The following ZNF804B variants were observed in gnomAD, a reference collection of about 807,000 sequenced individuals.
ZNF804B encodes zinc finger 804B.
In ZNF804B, 80 loss-of-function variants were observed where a neutral mutation model predicts 101.4. The ratio of observed to expected loss-of-function variants is 0.79; its 90% CI spans 0.66 to 0.95. The LOEUF is 0.95. Ranked by LOEUF, ZNF804B falls within the 40% of genes least tolerant of loss-of-function variation. The probability of loss-of-function intolerance (pLI) is 0.00; values close to 1 mark genes in which losing one functional copy is unlikely to be tolerated. For missense variants in ZNF804B, 1,673 were observed against 1,561.9 expected (o/e 1.07, Z -1.20); for synonymous variants, 622 against 558.8 (o/e 1.11, Z -1.59).
chr7:89,245,906 G>C (rs1374274029), intron 2 of ZNF804B, among the ~76,000 whole-genome samples: 2 of 152,310 alleles, frequency 1.3e-5, no homozygotes, highest in Non-Finnish European at 2.9e-5. Flanking sequence ...AAGTAACCCA[G>C]GGAGAGGGAG....
chr7:88,874,253 A>G (rs939893091), intron 1 of ZNF804B, among the ~76,000 whole-genome samples: 67 of 152,100 alleles, frequency 4.4e-4, no homozygotes, highest in Non-Finnish European at 1.9e-4. Context: ...GAGTTCACTC[A>G]TGATTTGGCT....
intron 1 of ZNF804B, among the ~76,000 whole-genome samples, chr7:89,098,749 T>C (rs984938190): frequency 6.6e-6 from 1 of 152,126 alleles, no homozygotes; most frequent in African/African-American, 2.4e-5. Context: ...CTAAAACTTG[T>C]CATTCCTTAT....
intron 1 of ZNF804B, among the ~76,000 whole-genome samples, chr7:88,838,878 A>T (rs1441531949): frequency 6.6e-6 from 1 of 152,024 alleles, no homozygotes; most frequent in East Asian, 1.9e-4. Flanking sequence ...TGTTATAATA[A>T]CTAGATAGTA....
At chr7:88,773,701 T>G (rs1790102695) in intron 1 of ZNF804B, among the ~76,000 whole-genome samples, 1 of 152,058 alleles carries the variant, frequency 6.6e-6, no homozygotes, top group East Asian at 1.9e-4. Context: ...AGCATGGTGC[T>G]GGCATCTGCT....
intron 2 of ZNF804B, among the ~76,000 whole-genome samples, chr7:89,323,581 T>C (rs1380569560): frequency 4.6e-5 from 7 of 152,148 alleles, no homozygotes; most frequent in Non-Finnish European, 8.8e-5. Flanking sequence ...ATTATGTTGC[T>C]TAGTTTTCTT....
intron 1 of ZNF804B, among the ~76,000 whole-genome samples, chr7:88,891,117 T>A (rs994766920): frequency 6.6e-6 from 1 of 152,144 alleles, no homozygotes; most frequent in Non-Finnish European, 1.5e-5. Context: ...AGACCCTCAA[T>A]AAATATTTAA....
intron 1 of ZNF804B, among the ~76,000 whole-genome samples, chr7:88,938,913 A>G (rs1046870653): frequency 1.3e-5 from 2 of 152,108 alleles, no homozygotes; most frequent in African/African-American, 4.8e-5. Flanking sequence ...TTAAGGAACA[A>G]GTTTGTTTCT....
intron 1 of ZNF804B, among the ~76,000 whole-genome samples, chr7:88,840,516 T>C: frequency 6.6e-6 from 1 of 152,264 alleles, no homozygotes; most frequent in East Asian, 1.9e-4. Flanking sequence ...TTTTGAGTAA[T>C]CTCCTTAAAA....
At chr7:89,062,610 A>C (rs758794917) in intron 1 of ZNF804B, among the ~76,000 whole-genome samples, 2 of 152,138 alleles carry the variant, frequency 1.3e-5, no homozygotes, top group African/African-American at 4.8e-5. Context: ...CCTGCTATAC[A>C]GTAGGTGTTC....
intron 1 of ZNF804B, among the ~76,000 whole-genome samples, chr7:89,100,091 G>A (rs536080383): frequency 6.6e-6 from 1 of 152,098 alleles, no homozygotes; most frequent in African/African-American, 2.4e-5. Context: ...TTTTCCCTTG[G>A]GAAAAATGAC....
At position 89,077,780 on chromosome 7, in the gene ZNF804B, T is replaced by G. The variant is rs570733166; in HGVS notation, c.109-140375T>G. The stretch of plus-strand genomic sequence containing the variant: ...TCTTTCTTAAGCTAATCAGTGGGAT[T>G]CAAGTGAAATTAGGTGAATAAACAA... On this transcript the variant is annotated intron_variant, in intron 1 of 3. Coordinates refer to ENST00000333190, the MANE Select transcript of ZNF804B (RefSeq NM_181646.5). Among the ~76,000 whole-genome samples the G allele has an allele frequency of 1.0e-3, 156 of 152,258 alleles. 1 individual carries two copies. Among genetic ancestry groups the G allele is most frequent in the African/African-American group, 3.5e-3 (147 of 41,582 alleles).
intron 1 of ZNF804B, among the ~76,000 whole-genome samples, chr7:89,185,487 C>T (rs1387655780): frequency 1.3e-5 from 2 of 151,878 alleles, no homozygotes; most frequent in South Asian, 2.1e-4. Flanking sequence ...ATTTATAAAA[C>T]AGTTAGTCCA....
intron 1 of ZNF804B, among the ~76,000 whole-genome samples, chr7:89,034,272 T>G (rs1214816808): frequency 6.6e-6 from 1 of 152,138 alleles, no homozygotes; most frequent in Non-Finnish European, 1.5e-5. Flanking sequence ...TATTTATTTA[T>G]TTTTATTCTA....
At chr7:88,763,949 C>G (rs531770636) in intron 1 of ZNF804B, among the ~76,000 whole-genome samples, 1 of 152,202 alleles carries the variant, frequency 6.6e-6, no homozygotes, top group Admixed American at 6.5e-5. Flanking sequence ...GTTGGCTGCT[C>G]AATTTAATAA....
intron 1 of ZNF804B, among the ~76,000 whole-genome samples, chr7:89,029,135 G>C (rs895656193): frequency 6.6e-6 from 1 of 152,086 alleles, no homozygotes; most frequent in Non-Finnish European, 1.5e-5. Flanking sequence ...ACAGAGTCTC[G>C]CTCTGTTGCC....
chr7:88,929,785 C>T (rs1286723708), intron 1 of ZNF804B, among the ~76,000 whole-genome samples: 2 of 151,850 alleles, frequency 1.3e-5, no homozygotes, highest in Admixed American at 6.6e-5. Context: ...TTTAAAAATA[C>T]GTTTAAGGTA....
At chr7:89,146,931 A>T (rs1385469106) in intron 1 of ZNF804B, among the ~76,000 whole-genome samples, 1 of 151,716 alleles carries the variant, frequency 6.6e-6, no homozygotes, top group Non-Finnish European at 1.5e-5. Context: ...TGGGAGGTCA[A>T]AATGGGAATG....
rs558649652 is a variant in ZNF804B, at chr7:88,949,658, G to T, written c.108+189574G>T. Among the ~76,000 whole-genome samples the T allele has an allele frequency of 2.0e-5, 3 of 151,840 alleles. No homozygotes were observed. In the South Asian group the frequency reaches 6.2e-4, roughly 32 times the overall value. ...TATATATTTGATACTATTATAAATG[G>T]TGCTTTAAAATTTACTTTCTGATTG... is the stretch of plus-strand genomic sequence containing the variant. On this transcript the variant is annotated intron_variant, in intron 1 of 3. Transcript: ENST00000333190.
intron 2 of ZNF804B, among the ~76,000 whole-genome samples, chr7:89,248,801 G>A (rs1209530727): frequency 6.6e-6 from 1 of 152,068 alleles, no homozygotes; most frequent in African/African-American, 2.4e-5. Flanking sequence ...AATCTTGAAT[G>A]TAGGCTAAAT....
Sources: gnomAD v4.1 joint callset for allele counts (sites outside exome capture counted in the v4.1 genomes callset) on GRCh38, gnomAD v4.1.1 for gene constraint, MANE v1.5 for transcripts, NCBI Gene and HGNC (gene_info 2026-07-23, HGNC 2026-07-21) for gene names.